Variants in CDHR2 observed in about 807,000 individuals in gnomAD.
CDHR2 encodes the protein cadherin-related family member 2.
CDHR2 carries 104 observed loss-of-function variants against 138.6 expected under a neutral mutation model. The observed-to-expected ratio is 0.75, with a 90% CI of 0.64 to 0.88. The LOEUF is 0.88. Among genes scored for constraint, CDHR2 ranks in the 40% least tolerant of loss-of-function variants. The probability of loss-of-function intolerance (pLI) is 0.00; values close to 1 mark genes in which losing one functional copy is unlikely to be tolerated. For synonymous variants in CDHR2, 755 were observed against 742.8 expected (o/e 1.02, Z -0.27); for missense variants, 1,624 against 1,727.6 (o/e 0.94, Z 1.06).
chr5:176,551,990 G>C (rs757005304), intron 1 of CDHR2, among the ~76,000 whole-genome samples: 1 of 152,124 alleles, frequency 6.6e-6, no homozygotes, highest in East Asian at 1.9e-4. Context: ...GATTACAGGC[G>C]TGAGTCACCG....
intron 31 of CDHR2, 59 bp from the exon 32 acceptor site, chr5:176,595,473 C>T (rs1234951616): frequency 2.7e-6 from 4 of 1,503,568 alleles, no homozygotes; most frequent in Non-Finnish European, 3.6e-6. Flanking sequence ...TCCCCTAGGG[C>T]CTGGGGCACT....
At position 176,590,779 on chromosome 5, in the gene CDHR2, G is replaced by A. The variant is rs1758825692; in HGVS notation, c.3539+92G>A. On this transcript the variant is annotated intron_variant, in intron 28 of 31. Coordinates refer to ENST00000261944, the MANE Select transcript of CDHR2 (RefSeq NM_017675.6). Reference sequence around the variant, plus strand: ...TAGGGGTAGAAGGAGCTGGGGCTTAGGCACAGGTATACATGCATTCACTCC... The same window carrying A: ...TAGGGGTAGAAGGAGCTGGGGCTTAAGCACAGGTATACATGCATTCACTCC... The A allele has an allele frequency of 6.4e-6, 10 of 1,557,142 alleles. No homozygotes were observed. In the South Asian group the frequency reaches 1.2e-4, roughly 18 times the overall value.
At chr5:176,570,403 T>A (rs1159251775) in intron 5 of CDHR2, among the ~76,000 whole-genome samples, 1 of 152,208 alleles carries the variant, frequency 6.6e-6, no homozygotes, top group Non-Finnish European at 1.5e-5. Context: ...TGGAGTGCAG[T>A]GGTGCAATCA....
At chr5:176,554,365 A>T (rs1757773774) in intron 1 of CDHR2, among the ~76,000 whole-genome samples, 1 of 152,210 alleles carries the variant, frequency 6.6e-6, no homozygotes, top group African/African-American at 2.4e-5. Flanking sequence ...AGGTGAGGAC[A>T]ACCCCACGGA....
In CDHR2 at chr5:176,576,520, T is replaced by TG. The variant is rs2113299946; in HGVS notation, c.1194+340dup. 6.6e-6 allele frequency among the ~76,000 whole-genome samples: 1 copy of TG among 151,240 alleles called. No homozygotes were observed. Among genetic ancestry groups the TG allele is most frequent in the African/African-American group, 2.4e-5 (1 of 41,222 alleles). On this transcript the variant is annotated intron_variant, in intron 12 of 31. Coordinates refer to ENST00000261944, the MANE Select transcript of CDHR2 (RefSeq NM_017675.6). This position sits in a 1 kb window ranked among gnomAD's most constrained non-coding sequence, Gnocchi z 4.5. ...CCATGATTTGGGTAGTCCTGGGAAC[T>TG]GGGGGAGGCTGAGCAGTGTTGGGAC... is the stretch of plus-strand genomic sequence containing the variant.
intron 1 of CDHR2, among the ~76,000 whole-genome samples, chr5:176,554,692 G>A (rs1158142707): frequency 2.6e-5 from 4 of 152,064 alleles, no homozygotes; most frequent in Non-Finnish European, 5.9e-5. Flanking sequence ...ACAGTGTCTC[G>A]CTCTGTCTCC....
At chr5:176,573,213 G>A (rs1307393388) in intron 6 of CDHR2, among the ~76,000 whole-genome samples, 5 of 152,032 alleles carry the variant, frequency 3.3e-5, no homozygotes, top group African/African-American at 4.8e-5. Flanking sequence ...TCAGAGAGGC[G>A]AGTGGCAGCC....
chr5:176,566,404 G>A (rs943579358), intron 3 of CDHR2, among the ~76,000 whole-genome samples: 20 of 152,184 alleles, frequency 1.3e-4, no homozygotes, highest in African/African-American at 4.6e-4. Flanking sequence ...GAGCCAGGGG[G>A]CCTAGATACC....
chr5:176,562,566 C>G (rs946027416), intron 1 of CDHR2, among the ~76,000 whole-genome samples: 1 of 152,122 alleles, frequency 6.6e-6, no homozygotes, highest in Non-Finnish European at 1.5e-5. Context: ...TTCAGATGCT[C>G]TGGGGCAGGA....
intron 16 of CDHR2, among the ~76,000 whole-genome samples, chr5:176,579,652 C>A (rs1481812425): frequency 1.3e-5 from 2 of 152,186 alleles, no homozygotes; most frequent in African/African-American, 4.8e-5. Context: ...AAATAAACAT[C>A]TCCAGCTGCT....
rs374525439 is a variant in CDHR2, at chr5:176,578,479, C to A, written c.1689C>A (p.Gly563=). 2.6e-5 allele frequency: 42 copies of A among 1,613,690 alleles called. No individual in the cohort carries two copies. Among genetic ancestry groups the A allele is most frequent in the Non-Finnish European group, 3.2e-5 (38 of 1,179,822 alleles). Reference sequence around the variant, plus strand: ...ACCTGACGCTGCAGGCCACAGACGGCGGGAACCTGTCCTCCTCCACCACAC... The same window carrying A: ...ACCTGACGCTGCAGGCCACAGACGGAGGGAACCTGTCCTCCTCCACCACAC... ...VYYLTLQATD[G]GNLSSSTTLQ... The change falls in exon 16 of 32, where the codon GGC becomes GGA. Residue 563 remains glycine, a synonymous_variant. Coordinates refer to ENST00000261944, the MANE Select transcript of CDHR2 (RefSeq NM_017675.6).
At chr5:176,588,073 T>C (rs1758710148) in intron 21 of CDHR2, among the ~76,000 whole-genome samples, 2 of 152,166 alleles carry the variant, frequency 1.3e-5, no homozygotes, top group South Asian at 4.1e-4. Flanking sequence ...CTAGAATGAA[T>C]AAAAATGCTT....
chr5:176,575,424 A>G lies in CDHR2; in HGVS notation c.766A>G (p.Lys256Glu), dbSNP rs894526417. Reference protein sequence around the residue: ...YSASVAEDAAKGTSVLTVEAV... With the variant: ...YSASVAEDAAEGTSVLTVEAV... Reference sequence around the variant, plus strand: ...GGCCTCTGTGGCTGAGGATGCAGCCAAGGTGCACGGGGGACCTGTGGGGTG... The same window carrying G: ...GGCCTCTGTGGCTGAGGATGCAGCCGAGGTGCACGGGGGACCTGTGGGGTG... Residue 256 changes from lysine (K) to glutamate (E), a missense_variant and splice_region_variant, in exon 9 of 32, where the codon AAG (lysine) becomes GAG (glutamate). Transcript: ENST00000261944. 6.2e-6 allele frequency: 10 copies of G among 1,614,084 alleles called. No homozygotes were observed. In the African/African-American group the frequency reaches 1.3e-4, roughly 22 times the overall value.
At chr5:176,587,360 G>A (rs1420300615) in intron 21 of CDHR2, among the ~76,000 whole-genome samples, 2 of 152,072 alleles carry the variant, frequency 1.3e-5, no homozygotes, top group African/African-American at 4.8e-5. Flanking sequence ...AGGCAGGAGA[G>A]TCACTTGAAC....
chr5:176,554,493 C>CCCCACTCTA (rs1306422082), intron 1 of CDHR2, among the ~76,000 whole-genome samples: 3 of 152,202 alleles, frequency 2.0e-5, no homozygotes, highest in African/African-American at 7.2e-5. Flanking sequence ...TTATTATTCT[C>CCCCACTCTA]ACAGGGGAGG....
chr5:176,581,478 G>A lies in CDHR2; in HGVS notation c.1954G>A (p.Ala652Thr). ...AAACCTGGGGCCCCTGGACAGAGAG[G>A]CCATCGACCCCGCCCTGGAGGGCCG... ...LRNLGPLDRE[A>T]IDPALEGRIV... Residue 652 changes from alanine to threonine, a missense_variant, in exon 17 of 32, where the codon GCC becomes ACC. Around this residue, in one of 3 missense-constraint regions of CDHR2, gnomAD observed 1,061 missense variants for 1,136.6 expected, o/e 0.93. Coordinates refer to ENST00000261944, the MANE Select transcript of CDHR2 (RefSeq NM_017675.6). The A allele has an allele frequency of 6.2e-7, 1 of 1,614,170 alleles. No homozygotes were observed. Among genetic ancestry groups the A allele is most frequent in the Non-Finnish European group, 8.5e-7 (1 of 1,180,036 alleles).
chr5:176,567,172 C>CT (rs11392917), intron 3 of CDHR2: 177,244 of 294,858 alleles, frequency 0.6, 42,150 homozygotes, highest in African/African-American at 0.7. Flanking sequence ...GTGCACAGGA[C>CT]TTTTTTTTTT....
chr5:176,558,283 T>C (rs1449884096), intron 1 of CDHR2, among the ~76,000 whole-genome samples: 1 of 150,386 alleles, frequency 6.6e-6, no homozygotes, highest in East Asian at 2.0e-4. Context: ...TGGCGCCATC[T>C]CGGCTCACTG....
Position 176,569,023 on chromosome 5 carries a change from G to A in CDHR2, c.315+13G>A. ...CCCCTACATCCAGGTGAGTTGGGAG[G>A]TGCAGGGGGGTAGACAGGGATTGCG... On this transcript the variant is annotated intron_variant, in intron 5 of 31. Transcript: ENST00000261944. 1 of 1,613,940 alleles carries A rather than the reference G, an allele frequency of 6.2e-7. No individual in the cohort carries two copies.
Sources: gnomAD v4.1 joint callset for allele counts (sites outside exome capture counted in the v4.1 genomes callset) on GRCh38, gnomAD v4.1.1 for gene constraint, gnomAD v4.1.1 regional missense constraint, Gnocchi (gnomAD v3.1) non-coding constraint, MANE v1.5 for transcripts, NCBI Gene and HGNC (gene_info 2026-07-23, HGNC 2026-07-21) for gene names.